Variants in SYNJ2 observed in about 807,000 individuals in gnomAD.
SYNJ2 encodes the protein synaptojanin 2, also known as polyphosphatidylinositol phosphatase SYNJ2.
In SYNJ2, 116 loss-of-function variants were observed where a neutral mutation model predicts 141.3. The ratio of observed to expected loss-of-function variants is 0.82; its 90% CI spans 0.71 to 0.96. SYNJ2 has a LOEUF of 0.96. SYNJ2 is among the 40% of genes least tolerant of loss of function. The pLI is 0.00. For synonymous variants in SYNJ2, 745 were observed against 777.7 expected, an observed-to-expected ratio of 0.96 and a Z score of 0.70; for missense variants, 1,873 against 1,934.8, an observed-to-expected ratio of 0.97 and a Z score of 0.60.
At chr6:158,068,621 C>G in intron 12 of SYNJ2, 26 bp from the exon 13 acceptor site, 1 of 1,613,980 alleles carries the variant, frequency 6.2e-7, no homozygotes, top group Admixed American at 1.7e-5. Context: ...GTTCTGACTT[C>G]TGTCATCTCT....
chr6:158,010,976 G>A (rs1343134986), intron 1 of SYNJ2, among the ~76,000 whole-genome samples: 1 of 149,064 alleles, frequency 6.7e-6, no homozygotes, highest in Admixed American at 6.7e-5. Context: ...GGAGGGGATG[G>A]CCACGTGATG....
intron 1 of SYNJ2, chr6:158,016,978 G>T: frequency 8.1e-7 from 1 of 1,232,740 alleles, no homozygotes; most frequent in Non-Finnish European, 1.0e-6. Flanking sequence ...CCAGGAAGCT[G>T]TCAGCACTTC....
In SYNJ2 at chr6:158,086,751, CAGCA is replaced by C; in HGVS notation, c.3209-103_3209-100del. On this transcript the variant is annotated intron_variant, in intron 22 of 26. Coordinates refer to ENST00000355585, the MANE Select transcript of SYNJ2 (RefSeq NM_003898.4). ...CTGGACAGAGCCTTCAGCTGTCCTACAGCAGGTCCCCCTGCCACAGTCGGCCTCC... is the reference window on the plus strand; with the variant it reads ...CTGGACAGAGCCTTCAGCTGTCCTACGGTCCCCCTGCCACAGTCGGCCTCC... 3.3e-6 allele frequency: 4 copies of C among 1,195,074 alleles called. No individual in the cohort carries two copies. The South Asian group carries it at 6.0e-5, about 18-fold the overall frequency. The allele number at this position is 1,195,074 out of a possible 1,614,324, so 74.0% of individuals were successfully genotyped here. A position where few individuals can be genotyped will look rare whatever the true frequency, so the allele number is the denominator to read the frequency against.
At chr6:158,085,024 CTT>C (rs751916726) in intron 22 of SYNJ2, among the ~76,000 whole-genome samples, 14 of 142,004 alleles carry the variant, frequency 9.9e-5, no homozygotes, top group South Asian at 4.6e-4. Context: ...AATAATACAA[CTT>C]TTTTTTTTTT....
chr6:158,046,897 C>T (rs547665102), intron 5 of SYNJ2, among the ~76,000 whole-genome samples: 5 of 148,834 alleles, frequency 3.4e-5, no homozygotes, highest in African/African-American at 7.8e-5. Context: ...AGCTTCCCCC[C>T]ACCATATGCT....
intron 25 of SYNJ2, 90 bp downstream of exon 25, chr6:158,090,037 T>C: frequency 9.5e-6 from 8 of 841,256 alleles, no homozygotes; most frequent in Non-Finnish European, 1.6e-5. Flanking sequence ...AAAATAACTC[T>C]TTTTATTCTT....
At chr6:158,004,783 T>C (rs1435327130) in intron 1 of SYNJ2, among the ~76,000 whole-genome samples, 1 of 152,216 alleles carries the variant, frequency 6.6e-6, no homozygotes, top group East Asian at 1.9e-4. Flanking sequence ...ACCACGAGAC[T>C]GCGTCCCTCA....
rs769705005 is a variant in SYNJ2, at chr6:158,033,471, G to T, written c.502G>T (p.Val168Leu). The T allele has an allele frequency of 6.2e-6, 10 of 1,613,956 alleles. No individual in the cohort carries two copies. In the East Asian group the frequency reaches 2.0e-4, roughly 32 times the overall value. Residue 168 changes from valine to leucine, a missense_variant, in exon 4 of 27, where the codon GTG becomes TTG. By Grantham distance (32) the Val-to-Leu change is conservative. Transcript: ENST00000355585. ...NSFFWNQLLHVPLRQHQVSCC... is the reference protein window; with the variant it reads ...NSFFWNQLLHLPLRQHQVSCC... ...GTTTTGCAGGAACCAGCTGTTGCAC[G>T]TGCCCTTGAGGCAGCACCAGGTGAG...
chr6:157,995,933 A>G (rs1777616708), intron 1 of SYNJ2, among the ~76,000 whole-genome samples: 2 of 152,328 alleles, frequency 1.3e-5, no homozygotes, highest in East Asian at 1.9e-4. Context: ...AAAGCTATAG[A>G]ACTTGACTGA....
In SYNJ2 at chr6:158,078,543, C is replaced by T. The variant is rs371446529; in HGVS notation, c.2567+262C>T. 167 of 288,064 alleles carry T rather than the reference C, an allele frequency of 5.8e-4. 1 individual carries two copies. In the South Asian group the frequency reaches 0.012, roughly 21 times the overall value. The allele number at this position is 288,064 out of a possible 1,614,324, so 17.8% of individuals were successfully genotyped here. On this transcript the variant is annotated intron_variant, in intron 18 of 26. Coordinates refer to ENST00000355585, the MANE Select transcript of SYNJ2 (RefSeq NM_003898.4). ...ATGAAAATTTCAAAGATGCAACCTA[C>T]GTATTTTGCGGCTTTTATATTTTCT...
Position 158,068,710 on chromosome 6 carries a change from G to C in SYNJ2, c.1781G>C (p.Gly594Ala), listed in dbSNP as rs755353069. 6.2e-7 allele frequency: 1 copy of C among 1,614,190 alleles called. No homozygotes were observed. The highest frequency in any genetic ancestry group is 1.1e-5 in the South Asian group (1 of 91,086). Residue 594 changes from glycine (G) to alanine (A), a missense_variant, in exon 13 of 27, where the codon GGG becomes GCG. Physicochemically the swap from Gly to Ala is moderately conservative, Grantham distance 60 (BLOSUM62 0). Transcript: ENST00000355585. ...GAAGAGATGGTGGAATTGAGCGCAG[G>C]GAATATTGTCAATGCCAGGTAAGGG... ...GFEEMVELSAGNIVNASTTNK... is the reference protein window; with the variant it reads ...GFEEMVELSAANIVNASTTNK...
intron 4 of SYNJ2, among the ~76,000 whole-genome samples, chr6:158,042,404 C>T (rs904272672): frequency 2.0e-5 from 3 of 152,210 alleles, no homozygotes; most frequent in Non-Finnish European, 2.9e-5. Flanking sequence ...AGCGTGATCT[C>T]GCCTGCATGG....
Position 158,017,563 on chromosome 6 carries a change from C to T in SYNJ2, c.214+273C>T, listed in dbSNP as rs539536818. Reference sequence around the variant, plus strand: ...CTGAATAGCTGGGACTACAGGCATGCGCCACCATGCCCAACTAATTTTTTG... The same window carrying T: ...CTGAATAGCTGGGACTACAGGCATGTGCCACCATGCCCAACTAATTTTTTG... On this transcript the variant is annotated intron_variant, in intron 2 of 26. Transcript: ENST00000355585. 1.7e-5 allele frequency: 8 copies of T among 461,352 alleles called. No individual in the cohort carries two copies. The East Asian group carries it at 2.7e-4, about 15-fold the overall frequency. The allele number at this position is 461,352 out of a possible 1,614,324, so 28.6% of individuals were successfully genotyped here.
chr6:158,094,151 T>G, intron 26 of SYNJ2: 2 of 620,900 alleles, frequency 3.2e-6, no homozygotes, highest in Non-Finnish European at 5.8e-6. Context: ...GTTGCTCTTC[T>G]GTCCCACATT....
In SYNJ2 at chr6:157,990,010, G is replaced by A. The variant is rs375273152; in HGVS notation, c.127+7922G>A. 2.6e-5 allele frequency among the ~76,000 whole-genome samples: 4 copies of A among 152,226 alleles called. No homozygotes were observed. In the East Asian group the frequency reaches 7.7e-4, roughly 29 times the overall value. On this transcript the variant is annotated intron_variant, in intron 1 of 26. Coordinates refer to ENST00000355585, the MANE Select transcript of SYNJ2 (RefSeq NM_003898.4). ...CCTCGGAGCGTGAGTCTGGTGCTGCGCCAGGAGGCTAGATGCCCCGGCCAG... is the reference window on the plus strand; with the variant it reads ...CCTCGGAGCGTGAGTCTGGTGCTGCACCAGGAGGCTAGATGCCCCGGCCAG...
At chr6:158,069,924 T>A (rs748860497) in intron 14 of SYNJ2, among the ~76,000 whole-genome samples, 1 of 152,238 alleles carries the variant, frequency 6.6e-6, no homozygotes, top group Non-Finnish European at 1.5e-5. Context: ...GTTACATGAT[T>A]GTCATCGCCC....
chr6:158,002,901 G>A (rs1446817162), intron 1 of SYNJ2, among the ~76,000 whole-genome samples: 2 of 152,168 alleles, frequency 1.3e-5, no homozygotes, highest in Non-Finnish European at 2.9e-5. Flanking sequence ...CTGTTTTCCT[G>A]GATTTCTTAT....
intron 1 of SYNJ2, among the ~76,000 whole-genome samples, chr6:157,998,350 T>G (rs1393271985): frequency 6.6e-6 from 1 of 152,248 alleles, no homozygotes; most frequent in Non-Finnish European, 1.5e-5. Flanking sequence ...ATGCCTGGCT[T>G]CTTCACCGAG....
At chr6:157,991,392 C>T (rs767630131) in intron 1 of SYNJ2, among the ~76,000 whole-genome samples, 52 of 152,278 alleles carry the variant, frequency 3.4e-4, no homozygotes, top group Admixed American at 7.8e-4. Context: ...GAGAGCCTGC[C>T]GTTCTAACAA....
Sources: allele counts gnomAD v4.1 joint callset (sites outside exome capture counted in the v4.1 genomes callset), GRCh38; gene constraint gnomAD v4.1.1; transcripts MANE v1.5; gene names NCBI Gene and HGNC (gene_info 2026-07-23, HGNC 2026-07-21).